DMD: variants seen among roughly 807,000 people sequenced by gnomAD.
DMD encodes the protein dystrophin.
Under a neutral mutation model 330.1 loss-of-function variants are expected in DMD, and 63 were observed. That is an observed-to-expected ratio of 0.19 (90% CI 0.16 to 0.24). DMD has a LOEUF of 0.24. Among genes scored for constraint, DMD ranks in the 10% least tolerant of loss-of-function variants. The pLI, the probability that DMD is intolerant of heterozygous loss-of-function variation, is 1.00. For synonymous variants in DMD, 1,223 were observed against 959.8 expected (o/e 1.27, Z -5.07); for missense variants, 3,344 against 2,684.1 (o/e 1.25, Z -5.43).
At chrX:31,411,398 C>T (rs1323167575) in intron 60 of DMD, among the ~76,000 whole-genome samples, 1 of 111,540 alleles carries the variant, frequency 9.0e-6, no homozygotes, top group Non-Finnish European at 1.9e-5. Context: ...TTATTATTAA[C>T]ACCGCTATGT....
rs1348374725 is a variant in DMD, at chrX:32,344,585, T to C, written c.5587-1299A>G. Among the ~76,000 whole-genome samples the C allele has an allele frequency of 2.9e-4, 32 of 111,510 alleles. No individual in the cohort carries two copies. In the Admixed American group the frequency reaches 3.1e-3, roughly 11 times the overall value. On this transcript the variant is annotated intron_variant, in intron 39 of 78. Transcript: ENST00000357033. ...GGTAGCAAGATACAGCCACGTGAAT[T>C]AGAGTTGAGCCATGCCTTATTTGTG...
At chrX:31,513,884 T>C (rs1280422520) in intron 55 of DMD, among the ~76,000 whole-genome samples, 1 of 111,672 alleles carries the variant, frequency 9.0e-6, no homozygotes, top group African/African-American at 3.3e-5. Flanking sequence ...GAAACTACTG[T>C]AAGGTTAACT....
At chrX:32,062,223 A>G (rs189478177) in intron 44 of DMD, among the ~76,000 whole-genome samples, 90 of 110,986 alleles carry the variant, frequency 8.1e-4, no homozygotes, top group African/African-American at 2.5e-3. Flanking sequence ...AATGAACATT[A>G]TGCACCCTCC....
At chrX:32,702,248 A>C (rs1315348492) in intron 7 of DMD, among the ~76,000 whole-genome samples, 4 of 112,287 alleles carry the variant, frequency 3.6e-5, no homozygotes, top group African/African-American at 1.3e-4. Context: ...TGGCACAACC[A>C]GTTGTTTAAC....
chrX:32,468,443 T>C (rs755252863), intron 23 of DMD, 55 bp downstream of exon 23: 2 of 1,042,575 alleles, frequency 1.9e-6, no homozygotes, highest in South Asian at 4.0e-5. Flanking sequence ...CAGTGTATCG[T>C]TAGGGAAAAA....
At chrX:31,588,609 T>G in intron 55 of DMD, among the ~76,000 whole-genome samples, 1 of 111,425 alleles carries the variant, frequency 9.0e-6, no homozygotes, top group South Asian at 3.7e-4. Flanking sequence ...ACTTTTTTCC[T>G]GCATGGCTTT....
At chrX:32,812,290 A>AC (rs1160420266) in intron 6 of DMD, among the ~76,000 whole-genome samples, 2 of 111,909 alleles carry the variant, frequency 1.8e-5, no homozygotes, top group Non-Finnish European at 3.8e-5. Context: ...AACGAAAAAA[A>AC]CAAAAAAAAA....
chrX:32,697,733 A>G (rs1183025088), intron 9 of DMD, 137 bp downstream of exon 9: 7 of 818,482 alleles, frequency 8.6e-6, no homozygotes, highest in Admixed American at 2.7e-5. Flanking sequence ...TGAGGGAATC[A>G]ATAAAACTTG....
intron 15 of DMD, among the ~76,000 whole-genome samples, chrX:32,570,501 G>C (rs2052289681): frequency 8.9e-6 from 1 of 111,995 alleles, no homozygotes; most frequent in South Asian, 3.7e-4. Flanking sequence ...GGCTAGCCAA[G>C]ATTTCTGCTC....
intron 51 of DMD, among the ~76,000 whole-genome samples, chrX:31,757,997 G>A (rs908833439): frequency 4.6e-5 from 5 of 109,843 alleles, no homozygotes; most frequent in African/African-American, 1.3e-4. Context: ...CTAAGACTGC[G>A]TCAGAGCTCA....
At chrX:31,812,826 G>T (rs1205439554) in intron 50 of DMD, among the ~76,000 whole-genome samples, 1 of 111,511 alleles carries the variant, frequency 9.0e-6, no homozygotes, top group Non-Finnish European at 1.9e-5. Context: ...TCTGACCCTT[G>T]GTTATCTCAT....
intron 2 of DMD, 33 bp downstream of exon 2, chrX:33,020,106 G>A: frequency 9.0e-7 from 1 of 1,115,255 alleles, no homozygotes; most frequent in South Asian, 1.9e-5. Context: ...TCACAACTTA[G>A]ATCTTAAAAG....
intron 44 of DMD, among the ~76,000 whole-genome samples, chrX:32,002,290 G>C (rs938261014): frequency 9.0e-5 from 10 of 111,576 alleles, no homozygotes; most frequent in African/African-American, 3.3e-4. Flanking sequence ...TAAATTACCC[G>C]TATAAGTGTC....
At chrX:31,330,535 T>C (rs1260376489) in intron 61 of DMD, among the ~76,000 whole-genome samples, 1 of 111,679 alleles carries the variant, frequency 9.0e-6, no homozygotes, top group Non-Finnish European at 1.9e-5. Context: ...AAGTTGTGTA[T>C]AAAAAGAGGA....
intron 51 of DMD, among the ~76,000 whole-genome samples, 198 bp downstream of exon 51, chrX:31,773,762 T>C (rs1231013249): frequency 2.4e-5 from 2 of 84,130 alleles, no homozygotes; most frequent in Non-Finnish European, 4.7e-5. Flanking sequence ...TCCTTTTTAA[T>C]GTATGGCTAC....
At chrX:31,515,800 C>G (rs2072132431) in intron 55 of DMD, among the ~76,000 whole-genome samples, 1 of 111,821 alleles carries the variant, frequency 8.9e-6, no homozygotes, top group Non-Finnish European at 1.9e-5. Flanking sequence ...AGTTAATGCT[C>G]AGGATGATGA....
At chrX:33,016,151 A>T (rs781327160) in intron 2 of DMD, among the ~76,000 whole-genome samples, 22 of 110,784 alleles carry the variant, frequency 2.0e-4, no homozygotes, top group Non-Finnish European at 3.0e-4. Context: ...GACTCCACAA[A>T]CAAGTTTACT....
At chrX:32,560,320 A>T (rs907125191) in intron 16 of DMD, among the ~76,000 whole-genome samples, 27 of 111,368 alleles carry the variant, frequency 2.4e-4, no homozygotes, top group African/African-American at 8.8e-4. Flanking sequence ...CCAAATTGTA[A>T]AGCATATGAC....
At chrX:32,831,792 G>T (rs1390311572) in intron 4 of DMD, among the ~76,000 whole-genome samples, 1 of 109,606 alleles carries the variant, frequency 9.1e-6, no homozygotes, top group East Asian at 2.9e-4. Context: ...ATTTTTGTTA[G>T]ATGCAGAGAG....
Sources: allele counts gnomAD v4.1 joint callset (sites outside exome capture counted in the v4.1 genomes callset), GRCh38; gene constraint gnomAD v4.1.1; transcripts MANE v1.5; gene names NCBI Gene and HGNC (gene_info 2026-07-23, HGNC 2026-07-21).